APLP2: variants seen among roughly 807,000 people sequenced by gnomAD.
APLP2 encodes amyloid beta precursor like protein 2.
In APLP2, 53 loss-of-function variants were observed where a neutral mutation model predicts 89.9. The observed-to-expected ratio is 0.59, with a 90% CI of 0.47 to 0.74. APLP2 has a LOEUF of 0.74. Among genes scored for constraint, APLP2 ranks in the 30% least tolerant of loss-of-function variants. APLP2 has a pLI of 0.00. For missense variants in APLP2, 973 were observed against 975.9 expected (o/e 1.00, Z 0.04); for synonymous variants, 372 against 348.6 (o/e 1.07, Z -0.75).
In APLP2 at chr11:130,123,851, G is replaced by C. The variant is rs527689416; in HGVS notation, c.1090+72G>C. On this transcript the variant is annotated intron_variant, in intron 7 of 16. Coordinates refer to ENST00000338167, the MANE Select transcript of APLP2 (RefSeq NM_001142276.2). This position sits in a 1 kb window ranked among gnomAD's most constrained non-coding sequence, Gnocchi z 4.0. ...TGGCGTCCGTCTCCCTGCCGTCTTC[G>C]TGGCTGCATCTGTGTGGTGTCCCTG... is the stretch of plus-strand genomic sequence containing the variant. 1 of 1,547,224 alleles carries C rather than the reference G, an allele frequency of 6.5e-7. No homozygotes were observed. The highest frequency in any genetic ancestry group is 8.8e-7 in the Non-Finnish European group (1 of 1,134,146).
intron 6 of APLP2, 136 bp downstream of exon 6, chr11:130,122,649 C>CTCCTTCAGCACCA: frequency 6.9e-7 from 1 of 1,451,822 alleles, no homozygotes; most frequent in Non-Finnish European, 9.2e-7. Context: ...GAGTTCAGCT[C>CTCCTTCAGCACCA]TCCAGTGCAG....
chr11:130,099,820 C>A (rs1016104683), intron 1 of APLP2, among the ~76,000 whole-genome samples: 1 of 152,194 alleles, frequency 6.6e-6, no homozygotes, highest in African/African-American at 2.4e-5. Flanking sequence ...AGCCCCAGTT[C>A]TGCGCAATTG....
In APLP2 at chr11:130,123,829, C is replaced by T. The variant is rs1950099185; in HGVS notation, c.1090+50C>T. ...CGTGCGGCAGCACCGTCCTGTCTGG[C>T]GTCCGTCTCCCTGCCGTCTTCGTGG... is the stretch of plus-strand genomic sequence containing the variant. On this transcript the variant is annotated intron_variant, in intron 7 of 16. Coordinates refer to ENST00000338167, the MANE Select transcript of APLP2 (RefSeq NM_001142276.2). The surrounding 1 kb of genome is among the most constrained non-coding windows in gnomAD (Gnocchi z 4.0). 5.0e-6 allele frequency: 8 copies of T among 1,589,896 alleles called. No individual in the cohort carries two copies. The highest frequency in any genetic ancestry group is 1.7e-5 in the Admixed American group (1 of 58,190).
chr11:130,095,429 G>C (rs1410099807), intron 1 of APLP2, among the ~76,000 whole-genome samples: 4 of 152,216 alleles, frequency 2.6e-5, no homozygotes, highest in Non-Finnish European at 5.9e-5. Context: ...CAAGTGGGTG[G>C]ATGGGTGTAG....
Position 130,069,964 on chromosome 11 carries a change from C to T in APLP2, c.-14C>T. 1 of 1,496,268 alleles carries T rather than the reference C, an allele frequency of 6.7e-7. No homozygotes were observed. Among genetic ancestry groups the T allele is most frequent in the South Asian group, 1.2e-5 (1 of 81,840 alleles). The allele number at this position is 1,496,268 out of a possible 1,614,324, so 92.7% of individuals were successfully genotyped here. A position where few individuals can be genotyped will look rare whatever the true frequency, so the allele number is the denominator to read the frequency against. ...TGAGCTTGAGAGCCGCGCGCTAGAG[C>T]GACCCGGCGAGGGATGGCGGCCACC... On this transcript the variant is annotated 5_prime_UTR_variant, in exon 1 of 17. Transcript: ENST00000338167.
intron 1 of APLP2, among the ~76,000 whole-genome samples, chr11:130,084,598 G>A (rs1307482297): frequency 2.6e-5 from 4 of 152,036 alleles, no homozygotes; most frequent in Non-Finnish European, 5.9e-5. Context: ...TTGAGCCAAA[G>A]AAGAAATCAA....
chr11:130,085,058 A>G (rs149800642), intron 1 of APLP2, among the ~76,000 whole-genome samples: 96 of 152,356 alleles, frequency 6.3e-4, no homozygotes, highest in African/African-American at 2.3e-3. Flanking sequence ...GAAATGGGTA[A>G]ATTTCTAAAA....
intron 1 of APLP2, among the ~76,000 whole-genome samples, chr11:130,078,478 T>C (rs1438973323): frequency 6.6e-6 from 1 of 152,164 alleles, no homozygotes; most frequent in Non-Finnish European, 1.5e-5. Flanking sequence ...TTTAGTCTTG[T>C]CTTTTCTTTT....
At chr11:130,109,323 A>C in intron 1 of APLP2, 106 bp from the exon 2 acceptor site, 1 of 982,518 alleles carries the variant, frequency 1.0e-6, no homozygotes, top group Admixed American at 3.3e-5. Flanking sequence ...CAAATAGTAA[A>C]TAATTAAGGT....
rs1438320539 is a variant in APLP2, at chr11:130,120,787, A to G, written c.485A>G (p.Asn162Ser). The G allele has an allele frequency of 6.2e-7, 1 of 1,613,806 alleles. No homozygotes were observed. The highest frequency in any genetic ancestry group is 8.5e-7 in the Non-Finnish European group (1 of 1,179,868). ...FHKERMEVCENHQHWHTVVKE... is the reference protein window; with the variant it reads ...FHKERMEVCESHQHWHTVVKE... ...AAAGAGCGGATGGAGGTGTGTGAGA[A>G]TCACCAGCACTGGCACACGGTAGTC... is the stretch of plus-strand genomic sequence containing the variant. Residue 162 changes from asparagine to serine, a missense_variant, in exon 4 of 17, where the codon AAT becomes AGT. By Grantham distance (46) the Asn-to-Ser change is conservative (BLOSUM62 1). Coordinates refer to ENST00000338167, the MANE Select transcript of APLP2 (RefSeq NM_001142276.2).
intron 1 of APLP2, among the ~76,000 whole-genome samples, chr11:130,097,306 A>G (rs1946340168): frequency 6.6e-6 from 1 of 152,220 alleles, no homozygotes; most frequent in African/African-American, 2.4e-5. Flanking sequence ...TGCCCTGTGA[A>G]AATCATTTTG....
intron 8 of APLP2, 86 bp from the exon 9 acceptor site, chr11:130,127,680 T>G: frequency 1.8e-6 from 2 of 1,105,810 alleles, no homozygotes; most frequent in Non-Finnish European, 2.8e-6. Context: ...CCTGTGAGAT[T>G]TAGCATCTGA....
intron 11 of APLP2, 61 bp from the exon 12 acceptor site, chr11:130,133,568 G>A (rs552039839): frequency 7.9e-7 from 1 of 1,259,550 alleles, no homozygotes; most frequent in African/African-American, 1.5e-5. Flanking sequence ...CCAGCTGCAA[G>A]TTCCCTCCTG....
At chr11:130,130,854 G>T (rs1950870596) in intron 11 of APLP2, among the ~76,000 whole-genome samples, 1 of 152,204 alleles carries the variant, frequency 6.6e-6, no homozygotes. Context: ...GTGCTGGCCT[G>T]TCAGCCCAGA....
In APLP2 at chr11:130,135,702, A is replaced by T. The variant is rs1362835438; in HGVS notation, c.1824A>T (p.Leu608=). The change falls in exon 13 of 17, where the codon CTA becomes CTT. Residue 608 remains leucine (L), a synonymous_variant. Transcript: ENST00000338167. ...ACCCCTTCCACCCCTTCCCAGCCCT[A>T]CCTGAGAACGAAGGTGTGTATGGGC... ...PFHPFHPFPA[L]PENEGSGVGE... 3 of 1,613,908 alleles carry T rather than the reference A, an allele frequency of 1.9e-6. No homozygotes were observed. The Admixed American group carries it at 5.0e-5, about 27-fold the overall frequency.
At chr11:130,113,012 T>C (rs936232565) in intron 3 of APLP2, among the ~76,000 whole-genome samples, 5 of 152,192 alleles carry the variant, frequency 3.3e-5, no homozygotes, top group Non-Finnish European at 7.3e-5. Context: ...AGGGAGCCTT[T>C]CCTGGTCTTA....
At chr11:130,136,305 G>A (rs1199569921) in intron 13 of APLP2, among the ~76,000 whole-genome samples, 1 of 152,170 alleles carries the variant, frequency 6.6e-6, no homozygotes, top group African/African-American at 2.4e-5. Flanking sequence ...GTTTGTTGCT[G>A]TTGCTGCTGA....
chr11:130,093,353 G>A (rs1945712198), intron 1 of APLP2, among the ~76,000 whole-genome samples: 1 of 152,188 alleles, frequency 6.6e-6, no homozygotes, highest in South Asian at 2.1e-4. Context: ...GCAATGTAGG[G>A]AATAGACAAA....
At chr11:130,111,499 C>T (rs1948551444) in intron 3 of APLP2, among the ~76,000 whole-genome samples, 1 of 152,190 alleles carries the variant, frequency 6.6e-6, no homozygotes, top group South Asian at 2.1e-4. Flanking sequence ...ACTTATTCTC[C>T]TCTCTCCCTT....
Sources: gnomAD v4.1 joint callset for allele counts (sites outside exome capture counted in the v4.1 genomes callset) on GRCh38, gnomAD v4.1.1 for gene constraint, Gnocchi (gnomAD v3.1) non-coding constraint, MANE v1.5 for transcripts, NCBI Gene and HGNC (gene_info 2026-07-23, HGNC 2026-07-21) for gene names.